MAP2K1: variants seen among roughly 807,000 people sequenced by gnomAD.
MAP2K1 encodes the protein mitogen-activated protein kinase kinase 1.
A neutral mutation model predicts 46.3 loss-of-function variants in MAP2K1; 16 were observed. The ratio of observed to expected loss-of-function variants is 0.35; its 90% CI spans 0.23 to 0.52. The LOEUF is 0.52. MAP2K1 is among the 20% of genes least tolerant of loss of function. The pLI is 0.94. For missense variants in MAP2K1, 263 were observed against 497.1 expected, an observed-to-expected ratio of 0.53 and a Z score of 4.48; for synonymous variants, 183 against 185.6, an observed-to-expected ratio of 0.99 and a Z score of 0.11.
At chr15:66,421,343 C>T (rs980876004) in intron 1 of MAP2K1, among the ~76,000 whole-genome samples, 1 of 151,944 alleles carries the variant, frequency 6.6e-6, no homozygotes, top group African/African-American at 2.4e-5. Context: ...GCCATGTTGC[C>T]CAGGCTGGTC....
At position 66,386,999 on chromosome 15, in the gene MAP2K1, G is replaced by A. The variant is rs976300821; in HGVS notation, c.-349G>A. On this transcript the variant is annotated 5_prime_UTR_variant, in exon 1 of 11. Coordinates refer to ENST00000307102, the MANE Select transcript of MAP2K1 (RefSeq NM_002755.4). ...GCAGGAGCTGGAGCTGGGCTCTGGT[G>A]CGCGCGCGGCTGTGCCGCCCGAGCC... 1 of 289,970 alleles carries A rather than the reference G, an allele frequency of 3.4e-6. No individual in the cohort carries two copies. The highest frequency in any genetic ancestry group is 6.4e-6 in the Non-Finnish European group (1 of 157,448). 18.0% of individuals were successfully genotyped at this position (289,970 alleles called of 1,614,324 possible).
intron 6 of MAP2K1, among the ~76,000 whole-genome samples, chr15:66,483,892 C>G (rs569399143): frequency 3.3e-4 from 50 of 151,824 alleles, no homozygotes; most frequent in Non-Finnish European, 5.6e-4. Flanking sequence ...GAACTACAGG[C>G]GTGTGCCACC....
intron 1 of MAP2K1, among the ~76,000 whole-genome samples, chr15:66,403,313 G>A (rs997457882): frequency 2.7e-4 from 41 of 152,046 alleles, no homozygotes; most frequent in South Asian, 2.1e-4. Flanking sequence ...CTCTAGAAAA[G>A]GTTACCCCTC....
intron 1 of MAP2K1, among the ~76,000 whole-genome samples, chr15:66,413,910 T>A (rs1177623396): frequency 1.9e-5 from 1 of 51,484 alleles, no homozygotes; most frequent in Non-Finnish European, 4.0e-5. Flanking sequence ...TTCTTCTTCT[T>A]CTTTTTTTTT....
intron 5 of MAP2K1, among the ~76,000 whole-genome samples, chr15:66,472,507 G>A (rs1429324847): frequency 6.6e-6 from 1 of 152,102 alleles, no homozygotes. Flanking sequence ...CGTGTGCCCA[G>A]ACCTATGAGA....
At chr15:66,426,250 T>C (rs765064888) in intron 1 of MAP2K1, among the ~76,000 whole-genome samples, 11 of 144,820 alleles carry the variant, frequency 7.6e-5, no homozygotes, top group South Asian at 2.1e-4. Context: ...AATAGGAAAA[T>C]AGACACTATG....
rs1478834781 is a variant in MAP2K1, at chr15:66,465,582, ACTT to A, written c.569-16166_569-16164del. Among the ~76,000 whole-genome samples the A allele has an allele frequency of 6.6e-5, 10 of 152,078 alleles. No individual in the cohort carries two copies. In the East Asian group the frequency reaches 7.7e-4, roughly 12 times the overall value. ...ATTTCATTTCCGCCTTTTAGTTTTT[ACTT>A]CTTCTTTCTTTGGAGGCAGAAATTG... is the stretch of plus-strand genomic sequence containing the variant. On this transcript the variant is annotated intron_variant, in intron 5 of 10. Coordinates refer to ENST00000307102, the MANE Select transcript of MAP2K1 (RefSeq NM_002755.4).
At chr15:66,426,701 G>A (rs1307438998) in intron 1 of MAP2K1, among the ~76,000 whole-genome samples, 2 of 152,224 alleles carry the variant, frequency 1.3e-5, no homozygotes, top group African/African-American at 4.8e-5. Flanking sequence ...CTGCGAAATA[G>A]GTGTGAAGCC....
At chr15:66,420,802 T>G in intron 1 of MAP2K1, among the ~76,000 whole-genome samples, 1 of 105,948 alleles carries the variant, frequency 9.4e-6, no homozygotes. Context: ...TGTATATATA[T>G]GTGTATATAT....
chr15:66,445,200 C>G (rs1461959654), intron 5 of MAP2K1, among the ~76,000 whole-genome samples: 1 of 151,854 alleles, frequency 6.6e-6, no homozygotes, highest in East Asian at 1.9e-4. Flanking sequence ...ACCAGCCTGA[C>G]CCAACATGGT....
At chr15:66,461,865 G>A (rs1020239272) in intron 5 of MAP2K1, among the ~76,000 whole-genome samples, 35 of 152,132 alleles carry the variant, frequency 2.3e-4, no homozygotes, top group African/African-American at 8.0e-4. Context: ...TGGCAGAGTT[G>A]TTTATTATTT....
chr15:66,419,923 A>T (rs1001878243), intron 1 of MAP2K1, among the ~76,000 whole-genome samples: 35 of 151,354 alleles, frequency 2.3e-4, no homozygotes, highest in African/African-American at 8.2e-4. Context: ...GTTGGCTTGG[A>T]AACTACCTGA....
chr15:66,438,561 C>G (rs1300955572), intron 3 of MAP2K1, among the ~76,000 whole-genome samples: 1 of 152,208 alleles, frequency 6.6e-6, no homozygotes, highest in African/African-American at 2.4e-5. Context: ...CCCCTTCCTT[C>G]AAGCCTTCCT....
intron 3 of MAP2K1, 22 bp from the exon 4 acceptor site, chr15:66,443,258 G>C (rs758059146): frequency 6.8e-7 from 1 of 1,465,194 alleles, no homozygotes; most frequent in Non-Finnish European, 9.6e-7. Context: ...GTCACTAACT[G>C]GTCTGGTATT....
At chr15:66,423,090 C>T (rs548096490) in intron 1 of MAP2K1, among the ~76,000 whole-genome samples, 8 of 152,198 alleles carry the variant, frequency 5.3e-5, no homozygotes, top group South Asian at 4.1e-4. Context: ...CATGAGCCAC[C>T]GTGCCCAGCC....
chr15:66,415,317 C>T (rs956526517), intron 1 of MAP2K1: 1 of 316,104 alleles, frequency 3.2e-6, no homozygotes, highest in African/African-American at 2.3e-5. Flanking sequence ...AAAGACACTC[C>T]TATTACTTGA....
At chr15:66,488,066 C>T (rs1893104948) in intron 8 of MAP2K1, among the ~76,000 whole-genome samples, 1 of 151,884 alleles carries the variant, frequency 6.6e-6, no homozygotes, top group African/African-American at 2.4e-5. Flanking sequence ...TCCTTGCCAC[C>T]TCCCACCTCC....
At chr15:66,403,460 C>T (rs1476184635) in intron 1 of MAP2K1, among the ~76,000 whole-genome samples, 2 of 152,152 alleles carry the variant, frequency 1.3e-5, no homozygotes, top group African/African-American at 4.8e-5. Flanking sequence ...TTCATAATGT[C>T]AGTTTTAAAA....
Position 66,490,825 on chromosome 15 carries a change from G to C in MAP2K1, c.*210G>C, listed in dbSNP as rs879660920. On this transcript the variant is annotated 3_prime_UTR_variant, in exon 11 of 11. Coordinates refer to ENST00000307102, the MANE Select transcript of MAP2K1 (RefSeq NM_002755.4). Reference sequence around the variant, plus strand: ...TATTATTGTTCCCCTAAGTGGATTGGCTTTGTGCTTGGGGCTATTTGTGTG... The same window carrying C: ...TATTATTGTTCCCCTAAGTGGATTGCCTTTGTGCTTGGGGCTATTTGTGTG... 1.4e-5 allele frequency: 9 copies of C among 638,556 alleles called. No homozygotes were observed. In the African/African-American group the frequency reaches 1.6e-4, roughly 11 times the overall value. 39.6% of individuals were successfully genotyped at this position (638,556 alleles called of 1,614,324 possible). A position where few individuals can be genotyped will look rare whatever the true frequency, so the allele number is the denominator to read the frequency against.
Sources: allele counts gnomAD v4.1 joint callset (sites outside exome capture counted in the v4.1 genomes callset), GRCh38; gene constraint gnomAD v4.1.1; transcripts MANE v1.5; gene names NCBI Gene and HGNC (gene_info 2026-07-23, HGNC 2026-07-21).